The following SRPK2 variants were observed in gnomAD, a reference collection of about 807,000 sequenced individuals.
The protein encoded by SRPK2 is SRSF protein kinase 2, also known as SFRS protein kinase 2.
A neutral mutation model predicts 90.8 loss-of-function variants in SRPK2; 21 were observed. The observed-to-expected ratio is 0.23, with a 90% CI of 0.16 to 0.33. The LOEUF (loss-of-function observed/expected upper bound fraction) is 0.33. Among genes scored for constraint, SRPK2 ranks in the 10% least tolerant of loss-of-function variants. SRPK2 has a pLI of 1.00. For missense variants in SRPK2, 620 were observed against 869.0 expected (o/e 0.71, Z 3.60); for synonymous variants, 288 against 311.1 (o/e 0.93, Z 0.78).
chr7:105,132,230 A>G (rs2129574912), intron 13 of SRPK2, among the ~76,000 whole-genome samples: 1 of 152,340 alleles, frequency 6.6e-6, no homozygotes, highest in Middle Eastern at 3.4e-3. Context: ...TAGACATCCT[A>G]GAATAAGCCA....
At chr7:105,392,290 A>G (rs368457660), upstream of SRPK2, among the ~76,000 whole-genome samples, 1 of 152,128 alleles carries the variant, frequency 6.6e-6, no homozygotes, top group Non-Finnish European at 1.5e-5. Flanking sequence ...TGGTGGCACA[A>G]CATTGCTAAT....
In SRPK2 at chr7:105,203,722, C is replaced by CGGTGGT. The variant is rs771788696; in HGVS notation, c.129_134dup (p.Pro46_Pro47dup). On this transcript the variant is annotated inframe_insertion, in exon 3 of 16. Coordinates refer to ENST00000393651, the MANE Select transcript of SRPK2 (RefSeq NM_182692.3). ...GGGGTGTGGGGTCTGGCAAAGGTGG[C>CGGTGGT]GGTGGTGGTGGTGGTGGCGGTGGAG... 4.0e-5 allele frequency: 43 copies of CGGTGGT among 1,087,462 alleles called. No homozygotes were observed. Among genetic ancestry groups the CGGTGGT allele is most frequent in the Middle Eastern group, 4.5e-4 (2 of 4,398 alleles). The allele number at this position is 1,087,462 out of a possible 1,614,324, so 67.4% of individuals were successfully genotyped here. A position where few individuals can be genotyped will look rare whatever the true frequency, so the allele number is the denominator to read the frequency against.
intron 2 of SRPK2, among the ~76,000 whole-genome samples, chr7:105,324,778 T>C (rs1448352828): frequency 6.6e-6 from 1 of 152,160 alleles, no homozygotes; most frequent in Admixed American, 6.5e-5. Flanking sequence ...TCCCAGCTTC[T>C]TGGGAAGCTG....
intron 2 of SRPK2, among the ~76,000 whole-genome samples, chr7:105,211,780 TG>T (rs1478246024): frequency 6.6e-6 from 1 of 152,170 alleles, no homozygotes; most frequent in Non-Finnish European, 1.5e-5. Context: ...AGCAAACAAT[TG>T]TAATTCCAAG....
chr7:105,394,972 C>A (rs570901200), intron 1 of SRPK2, among the ~76,000 whole-genome samples: 1 of 152,026 alleles, frequency 6.6e-6, no homozygotes, highest in South Asian at 2.1e-4. Flanking sequence ...AGATCGAGAC[C>A]TACCATCCTG....
chr7:105,201,539 G>C (rs1292705347), intron 3 of SRPK2, among the ~76,000 whole-genome samples: 3 of 151,022 alleles, frequency 2.0e-5, no homozygotes, highest in African/African-American at 7.3e-5. Context: ...AGATCCAGAT[G>C]AACAAGACAG....
rs1284521941 is a variant in SRPK2 at position 105,315,456 on chromosome 7, A to C, written c.71+73192T>G. 2.0e-5 allele frequency among the ~76,000 whole-genome samples: 3 copies of C among 152,220 alleles called. No individual in the cohort carries two copies. The East Asian group carries it at 5.8e-4, about 29-fold the overall frequency. Reference sequence around the variant, plus strand: ...TTTCAAACTGTGAAATCATACATGTAAAGTGCTTAATACAAGACCTGGCAC... The same window carrying C: ...TTTCAAACTGTGAAATCATACATGTCAAGTGCTTAATACAAGACCTGGCAC... On this transcript the variant is annotated intron_variant, in intron 2 of 15. Transcript: ENST00000393651.
intron 2 of SRPK2, among the ~76,000 whole-genome samples, chr7:105,300,870 G>A (rs1810463578): frequency 6.6e-6 from 1 of 152,148 alleles, no homozygotes; most frequent in African/African-American, 2.4e-5. Flanking sequence ...GAAACAACAG[G>A]TGCTGGAGAG....
intron 2 of SRPK2, among the ~76,000 whole-genome samples, chr7:105,375,412 T>A (rs1445462573): frequency 6.6e-6 from 1 of 152,206 alleles, no homozygotes; most frequent in African/African-American, 2.4e-5. Context: ...CCAAGCACAC[T>A]GGCTCACACC....
intron 2 of SRPK2, among the ~76,000 whole-genome samples, chr7:105,235,982 A>C (rs1016431427): frequency 6.6e-6 from 1 of 152,208 alleles, no homozygotes; most frequent in Non-Finnish European, 1.5e-5. Flanking sequence ...AGGAAAAGCA[A>C]AAGGAAAGAA....
intron 2 of SRPK2, among the ~76,000 whole-genome samples, chr7:105,233,091 A>AGAAAG (rs1213029003): frequency 1.4e-3 from 125 of 91,902 alleles, no homozygotes; most frequent in Non-Finnish European, 1.2e-3. Context: ...AAGGAAGGAA[A>AGAAAG]GAAGGAAGGA....
At chr7:105,226,774 G>A (rs1448290623) in intron 2 of SRPK2, among the ~76,000 whole-genome samples, 2 of 151,666 alleles carry the variant, frequency 1.3e-5, no homozygotes, top group East Asian at 3.9e-4. Context: ...AAGGTGGGTG[G>A]ATCACTTGAG....
chr7:105,374,462 G>C (rs539409378), intron 2 of SRPK2, among the ~76,000 whole-genome samples: 61 of 152,176 alleles, frequency 4.0e-4, no homozygotes, highest in African/African-American at 1.3e-3. Context: ...AATCTGAAAT[G>C]CATACAAAGA....
intron 2 of SRPK2, chr7:105,298,749 G>C: frequency 3.0e-6 from 3 of 985,602 alleles, no homozygotes; most frequent in Non-Finnish European, 3.6e-6. Flanking sequence ...TTAGCAGTAG[G>C]AGACAGCAGA....
intron 8 of SRPK2, among the ~76,000 whole-genome samples, chr7:105,145,856 G>A (rs974359562): frequency 6.6e-6 from 1 of 152,172 alleles, no homozygotes; most frequent in Non-Finnish European, 1.5e-5. Flanking sequence ...CAGTAAAGGA[G>A]ATGTGAAGAG....
chr7:105,127,665 G>A (rs573579507), intron 13 of SRPK2, among the ~76,000 whole-genome samples: 5 of 152,262 alleles, frequency 3.3e-5, no homozygotes, highest in East Asian at 1.9e-4. Flanking sequence ...TGGATGTCAC[G>A]GAGCACTGGC....
At chr7:105,185,919 T>C (rs1442546295) in intron 3 of SRPK2, among the ~76,000 whole-genome samples, 1 of 152,164 alleles carries the variant, frequency 6.6e-6, no homozygotes, top group Non-Finnish European at 1.5e-5. Context: ...ATTAGATAAA[T>C]ACATGTCCTA....
chr7:105,335,783 G>C (rs1348743214), intron 2 of SRPK2, among the ~76,000 whole-genome samples: 1 of 151,282 alleles, frequency 6.6e-6, no homozygotes, highest in African/African-American at 2.4e-5. Flanking sequence ...GAGAAACCCC[G>C]ACTCTACTAA....
intron 2 of SRPK2, among the ~76,000 whole-genome samples, chr7:105,244,084 G>A (rs1345104279): frequency 1.3e-5 from 2 of 152,174 alleles, no homozygotes; most frequent in African/African-American, 4.8e-5. Flanking sequence ...GAGCTGGCAG[G>A]GGTAGAGGGC....
Sources: allele counts gnomAD v4.1 joint callset (sites outside exome capture counted in the v4.1 genomes callset), GRCh38; gene constraint gnomAD v4.1.1; transcripts MANE v1.5; gene names NCBI Gene and HGNC (gene_info 2026-07-23, HGNC 2026-07-21).